The following ETV6 variants were observed in gnomAD, a reference collection of about 807,000 sequenced individuals.
ETV6 encodes the protein transcription factor ETV6.
In ETV6, 16 loss-of-function variants were observed where a neutral mutation model predicts 51.1. The observed-to-expected ratio is 0.31, with a 90% confidence interval of 0.21 to 0.48. ETV6 has a LOEUF of 0.48. Ranked by LOEUF, ETV6 falls within the 20% of genes least tolerant of loss-of-function variation. The probability of loss-of-function intolerance (pLI) is 0.99; values close to 1 mark genes in which losing one functional copy is unlikely to be tolerated. For synonymous variants in ETV6, 240 were observed against 224.1 expected (o/e 1.07, Z -0.64); for missense variants, 458 against 594.8 (o/e 0.77, Z 2.39).
In ETV6 at chr12:11,883,292, T is replaced by C. The variant is rs1220219052; in HGVS notation, c.1010-1153T>C. Reference sequence around the variant, plus strand: ...TGTCTTCTTCTTTTTTTTTTTTTTTTTTTTTTTTTTTTTTTTTTTGAGACT... The same window carrying C: ...TGTCTTCTTCTTTTTTTTTTTTTTTCTTTTTTTTTTTTTTTTTTTGAGACT... On this transcript the variant is annotated intron_variant, in intron 5 of 7. Coordinates refer to ENST00000396373, the MANE Select transcript of ETV6 (RefSeq NM_001987.5). Among the ~76,000 whole-genome samples the C allele has an allele frequency of 3.7e-3, 462 of 125,936 alleles. 23 individuals are homozygous for C. The highest frequency in any genetic ancestry group is 8.5e-3 in the East Asian group (37 of 4,332). 82.6% of individuals were successfully genotyped at this position (125,936 alleles called of 152,430 possible). A position where few individuals can be genotyped will look rare whatever the true frequency, so the allele number is the denominator to read the frequency against.
chr12:11,845,606 CTAATT>C (rs1260443021), intron 3 of ETV6, among the ~76,000 whole-genome samples: 1 of 152,072 alleles, frequency 6.6e-6, no homozygotes, highest in Non-Finnish European at 1.5e-5. Context: ...AAGTAAAAGA[CTAATT>C]TATTTTTGTG....
intron 1 of ETV6, among the ~76,000 whole-genome samples, chr12:11,676,824 C>T (rs948503757): frequency 4.6e-5 from 7 of 152,204 alleles, no homozygotes; most frequent in South Asian, 2.1e-4. Flanking sequence ...TGAAGGAGTG[C>T]GTGGAAAACA....
chr12:11,786,336 G>GTTTTGT (rs1555129909), intron 2 of ETV6, among the ~76,000 whole-genome samples: 21 of 149,434 alleles, frequency 1.4e-4, no homozygotes, highest in African/African-American at 5.2e-4. Context: ...AACTTAATTT[G>GTTTTGT]TTTTTTTTTT....
chr12:11,758,254 T>G (rs1945034885), intron 2 of ETV6, among the ~76,000 whole-genome samples: 1 of 152,190 alleles, frequency 6.6e-6, no homozygotes, highest in African/African-American at 2.4e-5. Context: ...AATGAGGGCT[T>G]CTTAGAAGTA....
At chr12:11,751,802 A>G (rs774842887) in intron 1 of ETV6, 2 of 498,430 alleles carry the variant, frequency 4.0e-6, no homozygotes, top group Non-Finnish European at 8.0e-6. Context: ...GTAAAAGAAC[A>G]AGGAGATATT....
Position 11,853,518 on chromosome 12 carries a change from A to G in ETV6, c.420A>G (p.Ile140Met). 6.2e-7 allele frequency: 1 copy of G among 1,614,160 alleles called. No individual in the cohort carries two copies. Among genetic ancestry groups the G allele is most frequent in the Admixed American group, 1.7e-5 (1 of 60,026 alleles). ...FSPFFHPGNS[I>M]HTQPEVILHQ... ...CATTCTTCCACCCTGGAAACTCTATACACACACAGCCGGAGGTCATACTGC... is the reference window on the plus strand; with the variant it reads ...CATTCTTCCACCCTGGAAACTCTATGCACACACAGCCGGAGGTCATACTGC... The change falls in exon 4 of 8, where the codon ATA becomes ATG. Residue 140 changes from isoleucine to methionine, a missense_variant. By Grantham distance (10) the Ile-to-Met change is conservative (BLOSUM62 1). This residue lies in a region of ETV6 where 293 missense variants were observed against 315.7 expected (regional missense o/e 0.93). Transcript: ENST00000396373.
In ETV6 at chr12:11,893,794, TTATATATATATATATATATA is replaced by T. The variant is rs57308697; in HGVS notation, c.*2777_*2796del. The T allele has an allele frequency of 2.8e-3, 226 of 79,484 alleles. 6 individuals carry two copies. The highest frequency in any genetic ancestry group is 0.011 in the African/African-American group (185 of 17,190). 4.9% of individuals were successfully genotyped at this position (79,484 alleles called of 1,614,324 possible). On this transcript the variant is annotated 3_prime_UTR_variant, in exon 8 of 8. Transcript: ENST00000396373. ...GTGTCCATCCCCAAGATCTCTCATT[TTATATATATATATATATATA>T]TATATATATATATATATATATATAT...
intron 2 of ETV6, among the ~76,000 whole-genome samples, chr12:11,755,541 G>A (rs771475742): frequency 3.9e-5 from 6 of 152,118 alleles, no homozygotes; most frequent in Non-Finnish European, 5.9e-5. Flanking sequence ...TCCCGCTCCC[G>A]TTTCAGGGTT....
At chr12:11,773,474 T>G (rs569675133) in intron 2 of ETV6, among the ~76,000 whole-genome samples, 1 of 152,332 alleles carries the variant, frequency 6.6e-6, no homozygotes, top group Non-Finnish European at 1.5e-5. Context: ...AATTCCAGTT[T>G]CAGAACATTG....
chr12:11,777,544 T>A (rs933051661), intron 2 of ETV6, among the ~76,000 whole-genome samples: 1 of 152,038 alleles, frequency 6.6e-6, no homozygotes, highest in Non-Finnish European at 1.5e-5. Context: ...GCACCTAGAT[T>A]TATTGTGTCA....
At chr12:11,665,834 C>T (rs1864184516) in intron 1 of ETV6, among the ~76,000 whole-genome samples, 2 of 152,318 alleles carry the variant, frequency 1.3e-5, no homozygotes, top group African/African-American at 4.8e-5. Flanking sequence ...CTGACATGTA[C>T]ACACAGGGCA....
At chr12:11,876,600 A>G (rs557215337) in intron 5 of ETV6, among the ~76,000 whole-genome samples, 5 of 152,340 alleles carry the variant, frequency 3.3e-5, no homozygotes, top group South Asian at 2.1e-4. Context: ...ATTCGTTGGT[A>G]CACTGACAAT....
At chr12:11,832,143 A>G (rs1946252880) in intron 2 of ETV6, among the ~76,000 whole-genome samples, 1 of 152,262 alleles carries the variant, frequency 6.6e-6, no homozygotes, top group African/African-American at 2.4e-5. Context: ...TTAAGAAAAC[A>G]ATAAATGTGG....
At chr12:11,815,798 C>T (rs1236276094) in intron 2 of ETV6, among the ~76,000 whole-genome samples, 9 of 114,400 alleles carry the variant, frequency 7.9e-5, no homozygotes, top group Non-Finnish European at 1.6e-4. Flanking sequence ...ATTCGTTTGA[C>T]GGGCAGAGGG....
chr12:11,878,613 AG>A (rs1422936429), intron 5 of ETV6, among the ~76,000 whole-genome samples: 2 of 152,078 alleles, frequency 1.3e-5, no homozygotes, highest in Admixed American at 1.3e-4. Flanking sequence ...CCAGGAAGCC[AG>A]GAAGCGTAGA....
chr12:11,720,892 A>G (rs1253302380), intron 1 of ETV6, among the ~76,000 whole-genome samples: 1 of 152,228 alleles, frequency 6.6e-6, no homozygotes, highest in African/African-American at 2.4e-5. Context: ...CAATAACTCC[A>G]TTAAAAAATG....
chr12:11,839,450 A>T, intron 3 of ETV6, 146 bp downstream of exon 3: 1 of 841,478 alleles, frequency 1.2e-6, no homozygotes, highest in Non-Finnish European at 1.8e-6. Flanking sequence ...TTGAAGGAAG[A>T]TTATGCTAGC....
chr12:11,721,624 A>G (rs1482456828), intron 1 of ETV6, among the ~76,000 whole-genome samples: 3 of 152,202 alleles, frequency 2.0e-5, no homozygotes, highest in Admixed American at 6.5e-5. Context: ...CCTCTTGGGT[A>G]CTGTGCTCAC....
chr12:11,742,533 A>G (rs535339751), intron 1 of ETV6, among the ~76,000 whole-genome samples: 14 of 152,318 alleles, frequency 9.2e-5, no homozygotes, highest in Admixed American at 2.6e-4. Flanking sequence ...GATTGTTTGT[A>G]TGTTACTTTT....
Sources: gnomAD v4.1 joint callset for allele counts (sites outside exome capture counted in the v4.1 genomes callset) on GRCh38, gnomAD v4.1.1 for gene constraint, gnomAD v4.1.1 regional missense constraint, MANE v1.5 for transcripts, NCBI Gene and HGNC (gene_info 2026-07-23, HGNC 2026-07-21) for gene names.